The following TMEM72 variants were observed in gnomAD, a reference collection of about 807,000 sequenced individuals.
The protein encoded by TMEM72 is kidney-specific secretory protein of 37 kDa.
A neutral mutation model predicts 16.3 loss-of-function variants in TMEM72; 9 were observed. The observed-to-expected ratio is 0.55, with a 90% CI of 0.33 to 0.96. The LOEUF is 0.96. Ranked by LOEUF, TMEM72 falls within the 40% of genes least tolerant of loss-of-function variation. The pLI is 0.03. For missense variants in TMEM72, 324 were observed against 337.8 expected (o/e 0.96, Z 0.32); for synonymous variants, 160 against 146.5 (o/e 1.09, Z -0.66).
intron 2 of TMEM72, among the ~76,000 whole-genome samples, chr10:44,929,080 G>A (rs532327536): frequency 6.6e-6 from 1 of 152,340 alleles, no homozygotes; most frequent in South Asian, 2.1e-4. Context: ...AAATTCAGAA[G>A]GAGTAAGCAG....
At chr10:44,913,409 A>C (rs1160915279) in intron 1 of TMEM72, among the ~76,000 whole-genome samples, 1 of 152,054 alleles carries the variant, frequency 6.6e-6, no homozygotes, top group African/African-American at 2.4e-5. Context: ...GATTTATCTC[A>C]GTCACCGGAA....
rs117431418 is a variant in TMEM72 at position 44,919,130 on chromosome 10, T to C, written c.70+7548T>C. 5.9e-4 allele frequency among the ~76,000 whole-genome samples: 90 copies of C among 152,304 alleles called. 1 individual carries two copies. In the East Asian group the frequency reaches 0.016, roughly 27 times the overall value. On this transcript the variant is annotated intron_variant, in intron 1 of 4. Transcript: ENST00000389583. ...TTCTTTTATGATTAAAATAAAACTA[T>C]CATCAGCAAACTAGTAACAGAAGGA...
At chr10:44,920,061 A>C (rs1219429334) in intron 1 of TMEM72, 1 of 152,210 alleles carries the variant, frequency 6.6e-6, no homozygotes, top group Non-Finnish European at 1.5e-5. Context: ...ATCAGCCTGG[A>C]GCGTCTTTCC....
chr10:44,911,659 C>A, intron 1 of TMEM72, 77 bp downstream of exon 1: 1 of 1,496,286 alleles, frequency 6.7e-7, no homozygotes, highest in Non-Finnish European at 9.0e-7. Flanking sequence ...TGGGAGGTGG[C>A]CAGGAGACAG....
At chr10:44,918,329 T>C (rs926565270) in intron 1 of TMEM72, among the ~76,000 whole-genome samples, 10 of 152,120 alleles carry the variant, frequency 6.6e-5, no homozygotes, top group Admixed American at 6.6e-4. Context: ...ATGAACCATA[T>C]GGGTCTGCAG....
At chr10:44,919,645 G>A (rs189384550) in intron 1 of TMEM72, among the ~76,000 whole-genome samples, 1 of 152,286 alleles carries the variant, frequency 6.6e-6, no homozygotes, top group East Asian at 1.9e-4. Context: ...AAATCTAAAT[G>A]AATGGAGATG....
intron 1 of TMEM72, chr10:44,923,051 T>A (rs756684714): frequency 6.6e-6 from 1 of 152,276 alleles, no homozygotes; most frequent in Non-Finnish European, 1.5e-5. Context: ...GATTCGGAAA[T>A]TCTGGCAGAA....
chr10:44,922,235 G>A (rs1212741160), intron 1 of TMEM72, among the ~76,000 whole-genome samples: 1 of 152,212 alleles, frequency 6.6e-6, no homozygotes, highest in Non-Finnish European at 1.5e-5. Context: ...AGGCCTTTGA[G>A]AGGGCGGGGG....
intron 1 of TMEM72, among the ~76,000 whole-genome samples, chr10:44,918,052 C>T (rs1840038372): frequency 6.6e-6 from 1 of 152,138 alleles, no homozygotes; most frequent in Non-Finnish European, 1.5e-5. Flanking sequence ...CAAGTCACAT[C>T]CTACATGGAT....
At chr10:44,924,897 C>T (rs1840160863) in intron 1 of TMEM72, among the ~76,000 whole-genome samples, 1 of 152,248 alleles carries the variant, frequency 6.6e-6, no homozygotes, top group African/African-American at 2.4e-5. Flanking sequence ...GGAGTGACCT[C>T]ACGCCCCTTA....
intron 1 of TMEM72, 105 bp downstream of exon 1, chr10:44,911,687 T>C: frequency 7.7e-7 from 1 of 1,304,382 alleles, no homozygotes; most frequent in Non-Finnish European, 1.1e-6. Flanking sequence ...ATCTGGCCAC[T>C]TCTGTGCTTC....
chr10:44,934,930 G>A lies in TMEM72; in HGVS notation c.624G>A (p.Leu208=), dbSNP rs774388215. The change falls in exon 5 of 5, where the codon CTG becomes CTA. Residue 208 remains leucine, a synonymous_variant. Transcript: ENST00000389583. The part of the protein sequence containing the change: ...ALQPPNTLME[L]SLEPADSLAK... Reference sequence around the variant, plus strand: ...AGCCCCCCAACACCCTGATGGAGCTGAGCCTGGAGCCAGCCGACTCCCTGG... The same window carrying A: ...AGCCCCCCAACACCCTGATGGAGCTAAGCCTGGAGCCAGCCGACTCCCTGG... The A allele has an allele frequency of 7.4e-6, 12 of 1,613,702 alleles. No individual in the cohort carries two copies. Among genetic ancestry groups the A allele is most frequent in the South Asian group, 1.1e-5 (1 of 91,030 alleles).
chr10:44,924,169 G>A (rs1840147295), intron 1 of TMEM72, among the ~76,000 whole-genome samples: 1 of 152,200 alleles, frequency 6.6e-6, no homozygotes, highest in African/African-American at 2.4e-5. Flanking sequence ...TGATCCACAT[G>A]CACTGCCCAT....
At position 44,933,718 on chromosome 10, in the gene TMEM72, G is replaced by C. The variant is rs1840344001; in HGVS notation, c.291G>C (p.Leu97=). 1.9e-6 allele frequency: 3 copies of C among 1,614,146 alleles called. No individual in the cohort carries two copies. Among genetic ancestry groups the C allele is most frequent in the African/African-American group, 1.3e-5 (1 of 75,062 alleles). The change falls in exon 4 of 5, where the codon CTG becomes CTC. Residue 97 remains leucine, a synonymous_variant. Coordinates refer to ENST00000389583, the MANE Select transcript of TMEM72 (RefSeq NM_001123376.3). ...GCTTCCAGAAGTTCCTGGCCTACCTGCTGCTGTCGGTGGCCTGCTTCCTCC... is the reference window on the plus strand; with the variant it reads ...GCTTCCAGAAGTTCCTGGCCTACCTCCTGCTGTCGGTGGCCTGCTTCCTCC... The part of the protein sequence containing the change: ...LGCFQKFLAY[L]LLSVACFLHP...
chr10:44,919,534 T>C (rs1259256485), intron 1 of TMEM72, among the ~76,000 whole-genome samples: 1 of 152,152 alleles, frequency 6.6e-6, no homozygotes, highest in Non-Finnish European at 1.5e-5. Flanking sequence ...ATACAAATTA[T>C]AATAGCATTG....
At chr10:44,930,002 C>A (rs1043900871) in intron 2 of TMEM72, among the ~76,000 whole-genome samples, 5 of 152,254 alleles carry the variant, frequency 3.3e-5, no homozygotes, top group Admixed American at 6.5e-5. Flanking sequence ...CAGAAGCAGG[C>A]GGGCCTTCCT....
chr10:44,923,357 T>TTC (rs1369173364), intron 1 of TMEM72: 1 of 151,448 alleles, frequency 6.6e-6, no homozygotes, highest in East Asian at 1.9e-4. Context: ...CTTTCTCTCT[T>TTC]TCTCTCTCTC....
intron 2 of TMEM72, among the ~76,000 whole-genome samples, chr10:44,928,874 G>C (rs780451813): frequency 6.6e-6 from 1 of 151,908 alleles, no homozygotes; most frequent in Non-Finnish European, 1.5e-5. Flanking sequence ...ACCCATCCAC[G>C]CATCTCATCA....
chr10:44,917,808 G>A (rs527540753), intron 1 of TMEM72, among the ~76,000 whole-genome samples: 63 of 152,244 alleles, frequency 4.1e-4, no homozygotes, highest in African/African-American at 1.4e-3. Flanking sequence ...GTGGATGAGT[G>A]AGCAGATGCA....
Sources: allele counts gnomAD v4.1 joint callset (sites outside exome capture counted in the v4.1 genomes callset), GRCh38; gene constraint gnomAD v4.1.1; transcripts MANE v1.5; gene names NCBI Gene and HGNC (gene_info 2026-07-23, HGNC 2026-07-21).